NCAM2: variants seen among roughly 807,000 people sequenced by gnomAD.
The protein encoded by NCAM2 is neural cell adhesion molecule 2.
In NCAM2, 30 loss-of-function variants were observed where a neutral mutation model predicts 98.1. That is an observed-to-expected ratio of 0.31 (90% CI 0.23 to 0.41). NCAM2 has a LOEUF of 0.41. NCAM2 is among the 10% of genes least tolerant of loss of function. The pLI is 1.00. For synonymous variants in NCAM2, 368 were observed against 342.4 expected (o/e 1.07, Z -0.83); for missense variants, 867 against 1,005.8 (o/e 0.86, Z 1.87).
intron 5 of NCAM2, among the ~76,000 whole-genome samples, chr21:21,308,762 A>G (rs1453914088): frequency 1.3e-5 from 2 of 152,176 alleles, no homozygotes; most frequent in East Asian, 3.8e-4. Context: ...TGAATGTTCC[A>G]ACTGATCTTG....
At chr21:21,070,377 AG>A (rs1295694122) in intron 1 of NCAM2, among the ~76,000 whole-genome samples, 3 of 133,024 alleles carry the variant, frequency 2.3e-5, no homozygotes. Flanking sequence ...CAATACAAAA[AG>A]TCTTTCTCTG....
At chr21:21,211,188 C>T (rs1165282602) in intron 1 of NCAM2, among the ~76,000 whole-genome samples, 3 of 152,108 alleles carry the variant, frequency 2.0e-5, no homozygotes, top group Admixed American at 1.3e-4. Flanking sequence ...ATCTCCTCCC[C>T]GAATACGAAC....
At chr21:21,344,077 T>G (rs2075121070) in intron 8 of NCAM2, among the ~76,000 whole-genome samples, 1 of 151,788 alleles carries the variant, frequency 6.6e-6, no homozygotes, top group African/African-American at 2.4e-5. Flanking sequence ...ACTGTTAGAG[T>G]TGTGAGGACT....
At chr21:21,244,704 G>A (rs560229633) in intron 1 of NCAM2, among the ~76,000 whole-genome samples, 4 of 151,676 alleles carry the variant, frequency 2.6e-5, no homozygotes, top group Non-Finnish European at 5.9e-5. Flanking sequence ...GAAATTAGCC[G>A]GGAGTGGTGG....
At chr21:21,407,369 A>G (rs982404317) in intron 9 of NCAM2, among the ~76,000 whole-genome samples, 3 of 152,226 alleles carry the variant, frequency 2.0e-5, no homozygotes, top group African/African-American at 4.8e-5. Flanking sequence ...TATAGCATGT[A>G]TTGCCTGTAG....
chr21:21,170,539 A>G (rs555056860), intron 1 of NCAM2, among the ~76,000 whole-genome samples: 1 of 152,292 alleles, frequency 6.6e-6, no homozygotes, highest in South Asian at 2.1e-4. Context: ...AGACAGCAAA[A>G]TGATCAGTGG....
At chr21:21,106,946 T>A (rs1257016013) in intron 1 of NCAM2, among the ~76,000 whole-genome samples, 1 of 152,130 alleles carries the variant, frequency 6.6e-6, no homozygotes, top group African/African-American at 2.4e-5. Flanking sequence ...TTTTAGTTTA[T>A]TCAAAGTATG....
At chr21:21,315,767 A>T (rs2147748401) in intron 5 of NCAM2, among the ~76,000 whole-genome samples, 1 of 152,286 alleles carries the variant, frequency 6.6e-6, no homozygotes, top group East Asian at 1.9e-4. Flanking sequence ...TTGTCTGGTG[A>T]TATTTTAAAT....
intron 1 of NCAM2, among the ~76,000 whole-genome samples, chr21:21,266,746 A>T (rs2072296138): frequency 6.6e-6 from 1 of 152,154 alleles, no homozygotes; most frequent in Non-Finnish European, 1.5e-5. Flanking sequence ...GGGGAGGGAT[A>T]GCATTAGGAG....
intron 1 of NCAM2, among the ~76,000 whole-genome samples, chr21:21,028,109 C>A (rs976917732): frequency 2.0e-5 from 3 of 152,034 alleles, no homozygotes; most frequent in African/African-American, 7.2e-5. Context: ...GTGATCTGCC[C>A]GCCTCGGCCT....
Position 21,511,588 on chromosome 21 carries a change from A to T in NCAM2, c.2282+2533A>T, listed in dbSNP as rs192782055. On this transcript the variant is annotated intron_variant, in intron 16 of 17. Coordinates refer to ENST00000400546, the MANE Select transcript of NCAM2 (RefSeq NM_004540.5). Reference sequence around the variant, plus strand: ...GTACAAATATCTCTTGATTTTTTTAAAAATTTTTGATATATACCAAGCAGA... The same window carrying T: ...GTACAAATATCTCTTGATTTTTTTATAAATTTTTGATATATACCAAGCAGA... 3.7e-3 allele frequency among the ~76,000 whole-genome samples: 557 copies of T among 151,740 alleles called. 5 individuals carry two copies. Among genetic ancestry groups the T allele is most frequent in the African/African-American group, 0.011 (461 of 41,358 alleles).
chr21:21,222,803 G>T (rs2070223744), intron 1 of NCAM2, among the ~76,000 whole-genome samples: 1 of 152,134 alleles, frequency 6.6e-6, no homozygotes, highest in Non-Finnish European at 1.5e-5. Flanking sequence ...AGTTTTGAGA[G>T]GACTGACTCT....
intron 1 of NCAM2, among the ~76,000 whole-genome samples, chr21:21,136,000 T>C (rs1016772881): frequency 6.6e-6 from 1 of 151,938 alleles, no homozygotes; most frequent in African/African-American, 2.4e-5. Context: ...TGATGGACCA[T>C]GTTATCCTGC....
At position 21,468,720 on chromosome 21, in the gene NCAM2, C is replaced by T. The variant is rs1358967347; in HGVS notation, c.1833C>T (p.Leu611=). ...CAAGCAGTGGAAAGAGCTTTAAACTCAGCATCACCAAACAGGACGATGGAG... is the reference window on the plus strand; with the variant it reads ...CAAGCAGTGGAAAGAGCTTTAAACTTAGCATCACCAAACAGGACGATGGAG... The part of the protein sequence containing the change: ...GQPSSGKSFK[L]SITKQDDGGA... The change falls in exon 14 of 18, where the codon CTC becomes CTT. Residue 611 remains leucine (L), a synonymous_variant. Transcript: ENST00000400546. 6.2e-7 allele frequency: 1 copy of T among 1,611,852 alleles called. No homozygotes were observed. The highest frequency in any genetic ancestry group is 1.3e-5 in the African/African-American group (1 of 74,766).
chr21:21,185,601 C>A (rs1209489307), intron 1 of NCAM2, among the ~76,000 whole-genome samples: 1 of 152,168 alleles, frequency 6.6e-6, no homozygotes, highest in Non-Finnish European at 1.5e-5. Flanking sequence ...GGTTTAGTCA[C>A]ATCTCCCAAA....
chr21:21,039,331 T>G (rs572887442), intron 1 of NCAM2, among the ~76,000 whole-genome samples: 9 of 152,314 alleles, frequency 5.9e-5, no homozygotes, highest in African/African-American at 2.2e-4. Flanking sequence ...GAAAAAGATA[T>G]CCCTTAATAA....
At chr21:21,008,701 A>G (rs1199093760) in intron 1 of NCAM2, among the ~76,000 whole-genome samples, 1 of 152,188 alleles carries the variant, frequency 6.6e-6, no homozygotes, top group Non-Finnish European at 1.5e-5. Context: ...AACATATTTA[A>G]TATCATTATG....
chr21:21,006,145 C>T (rs1317759216), intron 1 of NCAM2, among the ~76,000 whole-genome samples: 1 of 152,054 alleles, frequency 6.6e-6, no homozygotes, highest in African/African-American at 2.4e-5. Flanking sequence ...GTGTTTGTTT[C>T]TTGGATGCAT....
intron 1 of NCAM2, among the ~76,000 whole-genome samples, chr21:21,127,124 T>A (rs1448393089): frequency 6.6e-6 from 1 of 151,936 alleles, no homozygotes; most frequent in Non-Finnish European, 1.5e-5. Flanking sequence ...ACATGACGGT[T>A]TTATTTGTAA....
Sources: allele counts gnomAD v4.1 joint callset (sites outside exome capture counted in the v4.1 genomes callset), GRCh38; gene constraint gnomAD v4.1.1; transcripts MANE v1.5; gene names NCBI Gene and HGNC (gene_info 2026-07-23, HGNC 2026-07-21).